The following TM6SF1 variants were observed in gnomAD, a reference collection of about 807,000 sequenced individuals.
TM6SF1 encodes transmembrane 6 superfamily member 1.
In TM6SF1, 43 loss-of-function variants were observed where a neutral mutation model predicts 47.1. That is an observed-to-expected ratio of 0.91 (90% confidence interval 0.72 to 1.18). The LOEUF is 1.18. TM6SF1 is among the 50% of genes most tolerant of loss of function. The probability of loss-of-function intolerance (pLI) is 0.00; values close to 1 mark genes in which losing one functional copy is unlikely to be tolerated. For missense variants in TM6SF1, 390 were observed against 449.0 expected (o/e 0.87, Z 1.19); for synonymous variants, 177 against 166.3 (o/e 1.06, Z -0.49).
chr15:83,124,432 C>T (rs1352147513), intron 6 of TM6SF1, among the ~76,000 whole-genome samples: 4 of 152,006 alleles, frequency 2.6e-5, no homozygotes, highest in Admixed American at 1.3e-4. Flanking sequence ...AAAAAGTGGA[C>T]TCATAGAGCT....
At chr15:83,117,947 C>G (rs1297460446) in intron 3 of TM6SF1, among the ~76,000 whole-genome samples, 1 of 152,000 alleles carries the variant, frequency 6.6e-6, no homozygotes, top group East Asian at 1.9e-4. Flanking sequence ...GGGAGAATTG[C>G]CGGGGTGACA....
At position 83,112,866 on chromosome 15, in the gene TM6SF1, CAAAAG is replaced by C. The variant is rs765050568; in HGVS notation, c.167_171del (p.Arg56ThrfsTer32). 1.5e-5 allele frequency: 25 copies of C among 1,614,002 alleles called. No individual in the cohort carries two copies. The South Asian group carries it at 2.2e-4, about 14-fold the overall frequency. On this transcript the variant is annotated frameshift_variant, in exon 2 of 10. Coordinates refer to ENST00000322019, the MANE Select transcript of TM6SF1 (RefSeq NM_023003.5). LOFTEE classifies it high-confidence loss of function. ...TAGCACTGCTGGCTCGTGTCCTCGT[CAAAAG>C]AAAACCACCCCGGGACCCACTGTTC...
At chr15:83,117,807 T>C (rs2034810399) in intron 3 of TM6SF1, among the ~76,000 whole-genome samples, 4 of 152,106 alleles carry the variant, frequency 2.6e-5, no homozygotes, top group Admixed American at 1.3e-4. Flanking sequence ...AGCCAGGCCT[T>C]GAGAATCTTT....
At chr15:83,120,539 G>T (rs1465543127) in intron 4 of TM6SF1, among the ~76,000 whole-genome samples, 1 of 149,542 alleles carries the variant, frequency 6.7e-6, no homozygotes, top group Non-Finnish European at 1.5e-5. Flanking sequence ...GTTTACCCAA[G>T]TATCTCCCTC....
chr15:83,112,613 C>T, intron 1 of TM6SF1, 184 bp from the exon 2 acceptor site: 1 of 611,692 alleles, frequency 1.6e-6, no homozygotes, highest in Non-Finnish European at 2.9e-6. Context: ...TGGGCTGCAG[C>T]CCAGATGGGC....
Position 83,136,745 on chromosome 15 carries a change from T to C in TM6SF1, c.*73T>C, listed in dbSNP as rs953454378. On this transcript the variant is annotated 3_prime_UTR_variant, in exon 10 of 10. Transcript: ENST00000322019. The stretch of plus-strand genomic sequence containing the variant: ...ACTGGTACTGATATTTTGTCCCATT[T>C]CACTCTCTTCTCATACGTGAGTACT... 57 of 1,287,344 alleles carry C rather than the reference T, an allele frequency of 4.4e-5. 1 individual carries two copies. The Middle Eastern group carries it at 4.7e-3, about 106-fold the overall frequency. 79.7% of individuals were successfully genotyped at this position (1,287,344 alleles called of 1,614,324 possible).
At chr15:83,131,867 T>A (rs2036277379) in intron 9 of TM6SF1, 1 of 152,320 alleles carries the variant, frequency 6.6e-6, no homozygotes, top group East Asian at 1.9e-4. Flanking sequence ...GCAAGTGTAA[T>A]CTGAAAGGCA....
intron 2 of TM6SF1, 76 bp from the exon 3 acceptor site, chr15:83,115,768 AT>A: frequency 1.1e-6 from 1 of 945,748 alleles, no homozygotes; most frequent in East Asian, 2.4e-5. Flanking sequence ...ACATTCCATT[AT>A]TATTAGCTGA....
chr15:83,128,187 A>AT (rs1470265822), intron 9 of TM6SF1: 2 of 152,314 alleles, frequency 1.3e-5, no homozygotes, highest in Admixed American at 6.5e-5. Context: ...TCAAGCAGTT[A>AT]TAAGAATGAG....
intron 7 of TM6SF1, 32 bp downstream of exon 7, chr15:83,124,808 T>G (rs1596505185): frequency 6.7e-7 from 1 of 1,497,246 alleles, no homozygotes; most frequent in Non-Finnish European, 9.3e-7. Context: ...AACGTAACAT[T>G]GTGATACTAC....
At chr15:83,115,698 G>A in intron 2 of TM6SF1, 147 bp from the exon 3 acceptor site, 1 of 712,600 alleles carries the variant, frequency 1.4e-6, no homozygotes, top group Non-Finnish European at 2.6e-6. Flanking sequence ...GTGTGTAGAA[G>A]GGGTATTCTG....
At chr15:83,109,461 G>A (rs763229333) in intron 1 of TM6SF1, among the ~76,000 whole-genome samples, 11 of 152,286 alleles carry the variant, frequency 7.2e-5, no homozygotes, top group East Asian at 1.9e-4. Flanking sequence ...ATGATGGAGC[G>A]CACTGGCAAG....
chr15:83,111,436 A>T (rs1001305727), intron 1 of TM6SF1, among the ~76,000 whole-genome samples: 1 of 151,734 alleles, frequency 6.6e-6, no homozygotes, highest in African/African-American at 2.4e-5. Context: ...TCATCTATCC[A>T]TTCATCCATC....
intron 9 of TM6SF1, chr15:83,129,755 C>CT (rs2036082727): frequency 6.6e-6 from 1 of 152,364 alleles, no homozygotes; most frequent in African/African-American, 2.4e-5. Flanking sequence ...GAGTTGGACT[C>CT]TGAGGGCCAA....
chr15:83,113,168 CT>C (rs1489902249), intron 2 of TM6SF1: 2 of 514,008 alleles, frequency 3.9e-6, no homozygotes, highest in Non-Finnish European at 7.1e-6. Flanking sequence ...GCTTTGACCT[CT>C]GACCTCTGAC....
intron 1 of TM6SF1, among the ~76,000 whole-genome samples, chr15:83,108,742 GC>G (rs1194411155): frequency 6.6e-6 from 1 of 152,210 alleles, no homozygotes; most frequent in African/African-American, 2.4e-5. Context: ...TCTGTAGGCT[GC>G]AAACCCCCTT....
intron 6 of TM6SF1, 80 bp from the exon 7 acceptor site, chr15:83,124,592 A>G (rs925639308): frequency 9.7e-5 from 106 of 1,088,554 alleles, no homozygotes; most frequent in Non-Finnish European, 1.5e-4. Flanking sequence ...CTTATCCATC[A>G]TCATGACATT....
intron 6 of TM6SF1, among the ~76,000 whole-genome samples, chr15:83,123,424 T>C (rs1411447109): frequency 6.6e-6 from 1 of 152,238 alleles, no homozygotes; most frequent in East Asian, 1.9e-4. Context: ...GCCTGGCAGA[T>C]ACTCTGTTAA....
chr15:83,115,586 G>A (rs765302609), intron 2 of TM6SF1: 44 of 615,258 alleles, frequency 7.2e-5, no homozygotes, highest in Middle Eastern at 2.7e-4. Context: ...TGACTGAGCC[G>A]GCAGTGACCA....
Sources: gnomAD v4.1 joint callset for allele counts (sites outside exome capture counted in the v4.1 genomes callset) on GRCh38, gnomAD v4.1.1 for gene constraint, MANE v1.5 for transcripts, NCBI Gene and HGNC (gene_info 2026-07-23, HGNC 2026-07-21) for gene names.